The following STX8 variants were observed in gnomAD, a reference collection of about 807,000 sequenced individuals.
STX8 encodes syntaxin 8, also known as syntaxin-8.
STX8 carries 23 observed loss-of-function variants against 37.5 expected under a neutral mutation model. The observed-to-expected ratio is 0.61, with a 90% CI of 0.44 to 0.87. STX8 has a LOEUF of 0.87. STX8 is among the 40% of genes least tolerant of loss of function. The pLI, the probability that STX8 is intolerant of heterozygous loss-of-function variation, is 0.00. For missense variants in STX8, 313 were observed against 284.7 expected (o/e 1.10, Z -0.71); for synonymous variants, 115 against 99.1 (o/e 1.16, Z -0.95).
chr17:9,454,210 G>C (rs1905122434), intron 6 of STX8, among the ~76,000 whole-genome samples: 1 of 152,162 alleles, frequency 6.6e-6, no homozygotes, highest in African/African-American at 2.4e-5. Flanking sequence ...ACCTCAGATA[G>C]TACCAAACCC....
intron 6 of STX8, among the ~76,000 whole-genome samples, chr17:9,398,131 G>C (rs1033740878): frequency 4.1e-4 from 62 of 152,258 alleles, no homozygotes; most frequent in African/African-American, 1.5e-3. Flanking sequence ...TTAGGTGTAG[G>C]CTGCATGTAG....
At chr17:9,289,455 C>T (rs1327217845) in intron 7 of STX8, among the ~76,000 whole-genome samples, 2 of 151,934 alleles carry the variant, frequency 1.3e-5, no homozygotes, top group Non-Finnish European at 2.9e-5. Flanking sequence ...GGAGAGCTGA[C>T]CCCAAGGAAA....
intron 6 of STX8, among the ~76,000 whole-genome samples, chr17:9,407,277 C>T (rs1912834376): frequency 3.3e-5 from 5 of 152,286 alleles, no homozygotes; most frequent in Admixed American, 3.3e-4. Flanking sequence ...ATCCCCCCTG[C>T]CTTGGCCTCC....
chr17:9,520,867 A>G (rs1277262816), intron 4 of STX8, among the ~76,000 whole-genome samples: 1 of 152,152 alleles, frequency 6.6e-6, no homozygotes, highest in Non-Finnish European at 1.5e-5. Context: ...TGACTATATA[A>G]AATGTTTGTT....
chr17:9,486,408 G>A (rs539427744), intron 6 of STX8, among the ~76,000 whole-genome samples: 138 of 152,346 alleles, frequency 9.1e-4, no homozygotes, highest in Non-Finnish European at 1.7e-3. Context: ...CACACCAGCA[G>A]AGATTTGTTC....
intron 7 of STX8, among the ~76,000 whole-genome samples, chr17:9,293,240 T>C (rs1244261547): frequency 6.6e-6 from 1 of 152,212 alleles, no homozygotes; most frequent in Non-Finnish European, 1.5e-5. Flanking sequence ...CAATGTTGGG[T>C]AGATCCCATG....
At chr17:9,282,288 A>G (rs1907914650) in intron 7 of STX8, among the ~76,000 whole-genome samples, 2 of 152,098 alleles carry the variant, frequency 1.3e-5, no homozygotes, top group Non-Finnish European at 2.9e-5. Flanking sequence ...ACCTGCCATC[A>G]TGCCCAGCTA....
At chr17:9,437,710 A>G (rs528281440) in intron 6 of STX8, 3 of 152,294 alleles carry the variant, frequency 2.0e-5, no homozygotes, top group Admixed American at 6.5e-5. Context: ...CCTTATATCT[A>G]TAAGCAATTC....
chr17:9,489,900 G>A (rs1386175308), intron 6 of STX8, among the ~76,000 whole-genome samples: 1 of 152,044 alleles, frequency 6.6e-6, no homozygotes, highest in Non-Finnish European at 1.5e-5. Flanking sequence ...ATGCTGGCCA[G>A]GCTGGTCTCA....
intron 7 of STX8, among the ~76,000 whole-genome samples, chr17:9,268,112 C>T (rs1276350114): frequency 6.6e-6 from 1 of 151,990 alleles, no homozygotes; most frequent in East Asian, 1.9e-4. Flanking sequence ...GCTCTCCTCT[C>T]TAGGCCTTGG....
intron 5 of STX8, among the ~76,000 whole-genome samples, chr17:9,499,439 G>A (rs914129545): frequency 2.6e-5 from 4 of 152,022 alleles, no homozygotes; most frequent in African/African-American, 4.8e-5. Context: ...TTGCCCTGTC[G>A]CCAGGCTGGA....
At chr17:9,354,639 C>T (rs1753436777) in intron 7 of STX8, among the ~76,000 whole-genome samples, 1 of 152,008 alleles carries the variant, frequency 6.6e-6, no homozygotes, top group Non-Finnish European at 1.5e-5. Flanking sequence ...TCTTAACATA[C>T]TATAATCGTG....
chr17:9,542,004 A>AT lies in STX8; in HGVS notation c.323+3167dup, dbSNP rs35489488. Among the ~76,000 whole-genome samples, 1,101 of 144,100 alleles carry AT rather than the reference A, an allele frequency of 7.6e-3. 31 individuals carry two copies. Among genetic ancestry groups the AT allele is most frequent in the Admixed American group, 0.055 (794 of 14,368 alleles). 94.5% of individuals were successfully genotyped at this position (144,100 alleles called of 152,430 possible). On this transcript the variant is annotated intron_variant, in intron 4 of 7. Transcript: ENST00000306357. ...GCAAGTACATGGTCTAAACATTTGT[A>AT]TTTTTTTTTTTTTTTCCATTCTCTC...
intron 6 of STX8, among the ~76,000 whole-genome samples, chr17:9,378,972 C>T (rs181850555): frequency 2.8e-4 from 42 of 152,242 alleles, no homozygotes; most frequent in Admixed American, 5.2e-4. Context: ...AGGCCAGGCA[C>T]GGTGGCTCAC....
At chr17:9,378,750 G>C (rs1911689622) in intron 6 of STX8, 97 bp from the exon 7 acceptor site, 2 of 899,982 alleles carry the variant, frequency 2.2e-6, no homozygotes, top group Admixed American at 1.8e-5. Flanking sequence ...TAATGATCTC[G>C]AGTGCAGTAA....
At chr17:9,479,873 AC>A (rs1296303089) in intron 6 of STX8, among the ~76,000 whole-genome samples, 2 of 151,494 alleles carry the variant, frequency 1.3e-5, no homozygotes, top group African/African-American at 4.9e-5. Context: ...TGCTCTCTAG[AC>A]CCTGGGTACA....
intron 4 of STX8, among the ~76,000 whole-genome samples, chr17:9,527,957 AC>A (rs1393469417): frequency 2.0e-5 from 3 of 152,190 alleles, no homozygotes; most frequent in Non-Finnish European, 4.4e-5. Flanking sequence ...AAACTAAACA[AC>A]CCAACGTCCA....
intron 7 of STX8, among the ~76,000 whole-genome samples, chr17:9,252,417 C>T (rs1906617659): frequency 6.6e-6 from 1 of 150,500 alleles, no homozygotes; most frequent in South Asian, 2.1e-4. Context: ...GCACTCCAAA[C>T]TGGGCAACAG....
chr17:9,485,948 G>C (rs185855390), intron 6 of STX8, among the ~76,000 whole-genome samples: 152 of 152,224 alleles, frequency 1.0e-3, no homozygotes, highest in Middle Eastern at 6.8e-3. Context: ...GAAAAACAGA[G>C]GGAAGGAAAT....
Sources: gnomAD v4.1 joint callset for allele counts (sites outside exome capture counted in the v4.1 genomes callset) on GRCh38, gnomAD v4.1.1 for gene constraint, MANE v1.5 for transcripts, NCBI Gene and HGNC (gene_info 2026-07-23, HGNC 2026-07-21) for gene names.